NBEA: variants seen among roughly 807,000 people sequenced by gnomAD.
NBEA encodes lysosomal-trafficking regulator 2.
Under a neutral mutation model 343.4 loss-of-function variants are expected in NBEA, and 44 were observed. The observed-to-expected ratio is 0.13, with a 90% confidence interval of 0.10 to 0.16. The LOEUF (loss-of-function observed/expected upper bound fraction) is 0.16, where lower values mean the gene tolerates loss of function less well. Among genes scored for constraint, NBEA ranks in the 10% least tolerant of loss-of-function variants. The probability of loss-of-function intolerance (pLI) is 1.00; values close to 1 mark genes in which losing one functional copy is unlikely to be tolerated. For synonymous variants in NBEA, 1,175 were observed against 1,238.7 expected (o/e 0.95, Z 1.08); for missense variants, 2,555 against 3,631.3 (o/e 0.70, Z 7.62).
At chr13:35,234,247 C>T (rs1170059758) in intron 34 of NBEA, among the ~76,000 whole-genome samples, 1 of 152,118 alleles carries the variant, frequency 6.6e-6, no homozygotes, top group Non-Finnish European at 1.5e-5. Flanking sequence ...CTCCCACCTA[C>T]AAAGTGAAGT....
chr13:35,587,734 C>G (rs1245408658), intron 46 of NBEA, among the ~76,000 whole-genome samples: 3 of 152,136 alleles, frequency 2.0e-5, no homozygotes, highest in African/African-American at 7.2e-5. Context: ...TCATCTATCC[C>G]TAATCAGCTA....
chr13:35,606,366 A>G (rs1484482774), intron 47 of NBEA, 60 bp from the exon 48 acceptor site: 1 of 917,902 alleles, frequency 1.1e-6, no homozygotes, highest in Non-Finnish European at 1.5e-6. Flanking sequence ...ATAAGTTAAT[A>G]GTTTTATTCA....
chr13:35,520,564 C>T (rs1360501836), intron 41 of NBEA, among the ~76,000 whole-genome samples: 2 of 152,112 alleles, frequency 1.3e-5, no homozygotes, highest in African/African-American at 4.8e-5. Flanking sequence ...GTTACAGGAG[C>T]ATGGTGCCAA....
At chr13:35,019,051 GTT>G (rs879547494) in intron 1 of NBEA, among the ~76,000 whole-genome samples, 3 of 144,130 alleles carry the variant, frequency 2.1e-5, no homozygotes, top group African/African-American at 2.5e-5. Context: ...TGTCATTTGA[GTT>G]TTTTTTTTTT....
intron 43 of NBEA, among the ~76,000 whole-genome samples, chr13:35,553,426 G>C (rs1312306934): frequency 6.6e-6 from 1 of 151,998 alleles, no homozygotes; most frequent in African/African-American, 2.4e-5. Context: ...GGGAAACACT[G>C]CATCTAGGCT....
intron 1 of NBEA, among the ~76,000 whole-genome samples, chr13:34,981,260 G>A (rs868409101): frequency 2.0e-5 from 3 of 152,004 alleles, no homozygotes; most frequent in African/African-American, 7.3e-5. Flanking sequence ...AATATTATGT[G>A]GATATACCAC....
At chr13:35,590,700 A>G (rs2081495417) in intron 46 of NBEA, among the ~76,000 whole-genome samples, 1 of 152,120 alleles carries the variant, frequency 6.6e-6, no homozygotes, top group Admixed American at 6.6e-5. Flanking sequence ...ACCTAGAGAC[A>G]AGCCTGATCC....
At chr13:35,468,108 A>ACC (rs1346379931) in intron 40 of NBEA, among the ~76,000 whole-genome samples, 9,688 of 80,668 alleles carry the variant, frequency 0.12, 826 homozygotes, top group Middle Eastern at 0.23. Context: ...AATGATTTAC[A>ACC]CCCCCCCCCC....
chr13:35,237,274 G>A (rs144861592), intron 34 of NBEA, among the ~76,000 whole-genome samples: 25 of 152,068 alleles, frequency 1.6e-4, no homozygotes, highest in African/African-American at 5.8e-4. Flanking sequence ...AGGAAGGATT[G>A]GTAAGATTTT....
chr13:35,116,961 A>T (rs1050822710), intron 13 of NBEA, among the ~76,000 whole-genome samples: 11 of 152,034 alleles, frequency 7.2e-5, no homozygotes, highest in African/African-American at 2.2e-4. Context: ...CTGCAAAACA[A>T]ATAATTGCAA....
At chr13:35,417,667 A>G (rs537251361) in intron 38 of NBEA, among the ~76,000 whole-genome samples, 7 of 152,168 alleles carry the variant, frequency 4.6e-5, no homozygotes, top group East Asian at 1.9e-4. Flanking sequence ...TATGTGATCA[A>G]TTTTGGAATA....
chr13:35,657,075 T>C (rs181207974), intron 55 of NBEA, among the ~76,000 whole-genome samples: 27 of 152,210 alleles, frequency 1.8e-4, no homozygotes, highest in African/African-American at 6.0e-4. Context: ...ACCGCAAAAA[T>C]AGGAAATGGC....
intron 41 of NBEA, among the ~76,000 whole-genome samples, chr13:35,516,130 A>C (rs753517007): frequency 1.3e-5 from 2 of 152,206 alleles, no homozygotes; most frequent in Non-Finnish European, 2.9e-5. Flanking sequence ...AAATGATCAT[A>C]TTACAAGCTT....
At chr13:35,663,860 G>A (rs556274244) in intron 55 of NBEA, among the ~76,000 whole-genome samples, 2 of 152,186 alleles carry the variant, frequency 1.3e-5, no homozygotes, top group Admixed American at 6.5e-5. Flanking sequence ...ATGAGCTGCT[G>A]TCCCCCTTCT....
intron 38 of NBEA, among the ~76,000 whole-genome samples, chr13:35,397,580 T>G (rs1407502976): frequency 1.3e-5 from 2 of 152,126 alleles, no homozygotes; most frequent in Non-Finnish European, 2.9e-5. Context: ...TGTTATAGAA[T>G]AGCCATTAAA....
At chr13:35,116,639 T>C (rs2066505617) in intron 13 of NBEA, among the ~76,000 whole-genome samples, 1 of 152,162 alleles carries the variant, frequency 6.6e-6, no homozygotes, top group Non-Finnish European at 1.5e-5. Flanking sequence ...CATGAAGGGA[T>C]TATGCTTTTA....
rs554660681 is a variant in NBEA, at chr13:34,989,811, A to G, written c.294+46697A>G. The stretch of plus-strand genomic sequence containing the variant: ...TGGGACAAGGCACGTCTATTTGCCT[A>G]TGAGCCTGTAAAACCATAAACAAGT... On this transcript the variant is annotated intron_variant, in intron 1 of 58. Coordinates refer to ENST00000379939, the MANE Select transcript of NBEA (RefSeq NM_001385012.1). 2.5e-4 allele frequency among the ~76,000 whole-genome samples: 38 copies of G among 151,030 alleles called. No individual in the cohort carries two copies. The East Asian group carries it at 2.9e-3, about 12-fold the overall frequency.
chr13:35,587,451 TTGCCTTAG>T (rs1056507217), intron 46 of NBEA, among the ~76,000 whole-genome samples: 3 of 152,080 alleles, frequency 2.0e-5, no homozygotes, highest in Admixed American at 6.6e-5. Flanking sequence ...ATGACAATCA[TTGCCTTAG>T]TGAGCCACCA....
intron 41 of NBEA, chr13:35,477,144 AGTTT>A (rs1316752568): frequency 1.8e-5 from 3 of 166,822 alleles, no homozygotes; most frequent in African/African-American, 7.2e-5. Context: ...GCAGGTTGAA[AGTTT>A]GTTCTTTCAT....
Sources: gnomAD v4.1 joint callset for allele counts (sites outside exome capture counted in the v4.1 genomes callset) on GRCh38, gnomAD v4.1.1 for gene constraint, MANE v1.5 for transcripts, NCBI Gene and HGNC (gene_info 2026-07-23, HGNC 2026-07-21) for gene names.